BAZ1B: variants seen among roughly 807,000 people sequenced by gnomAD.
The protein encoded by BAZ1B is tyrosine-protein kinase BAZ1B.
BAZ1B carries 22 observed loss-of-function variants against 153.8 expected under a neutral mutation model. That is an observed-to-expected ratio of 0.14 (90% CI 0.10 to 0.20). BAZ1B has a LOEUF of 0.20. BAZ1B is among the 10% of genes least tolerant of loss of function. The pLI is 1.00. For synonymous variants in BAZ1B, 676 were observed against 633.4 expected, an observed-to-expected ratio of 1.07 and a Z score of -1.01; for missense variants, 1,325 against 1,799.3, an observed-to-expected ratio of 0.74 and a Z score of 4.77.
intron 9 of BAZ1B, among the ~76,000 whole-genome samples, chr7:73,467,596 CTT>C (rs1462320986): frequency 1.3e-5 from 2 of 152,172 alleles, no homozygotes; most frequent in African/African-American, 2.4e-5. Context: ...TCTTTTAACT[CTT>C]GAGCTCAAGT....
rs1187149830 is a variant in BAZ1B, at chr7:73,450,722, G to A, written c.3580+125C>T. On this transcript the variant is annotated intron_variant, in intron 14 of 19. Coordinates refer to ENST00000339594, the MANE Select transcript of BAZ1B (RefSeq NM_032408.4). The surrounding 1 kb of genome is among the most constrained non-coding windows in gnomAD (Gnocchi z 4.1). ...ACTGGCATGTTACAGACCTGCAGGA[G>A]AGTAAAATCTATACCACACTTATAT... is the stretch of plus-strand genomic sequence containing the variant. 5.4e-6 allele frequency: 6 copies of A among 1,121,458 alleles called. No homozygotes were observed. The highest frequency in any genetic ancestry group is 7.6e-6 in the Non-Finnish European group (6 of 784,824). The allele number at this position is 1,121,458 out of a possible 1,614,324, so 69.5% of individuals were successfully genotyped here.
intron 17 of BAZ1B, 149 bp downstream of exon 17, chr7:73,443,835 T>TC (rs1329088592): frequency 1.4e-5 from 16 of 1,135,670 alleles, no homozygotes; most frequent in Non-Finnish European, 2.1e-5. Context: ...GCGTACAGGC[T>TC]CACCCATCTG....
intron 7 of BAZ1B, among the ~76,000 whole-genome samples, chr7:73,474,787 A>G (rs1315971882): frequency 3.9e-5 from 6 of 152,236 alleles, no homozygotes; most frequent in African/African-American, 1.4e-4. Flanking sequence ...CCCCAAAAAA[A>G]GTAAAAGGAC....
chr7:73,507,226 C>T (rs1790380527), intron 3 of BAZ1B: 2 of 151,992 alleles, frequency 1.3e-5, no homozygotes, highest in Non-Finnish European at 2.9e-5. Context: ...TTTGTCAGCA[C>T]ATATAATGAA....
intron 3 of BAZ1B, among the ~76,000 whole-genome samples, chr7:73,501,913 C>T (rs917224695): frequency 5.4e-5 from 7 of 130,344 alleles, no homozygotes; most frequent in South Asian, 4.7e-4. Flanking sequence ...TTTTTTGAGA[C>T]GGAATCTCAC....
intron 3 of BAZ1B, among the ~76,000 whole-genome samples, chr7:73,507,984 G>A (rs1790412487): frequency 1.3e-5 from 2 of 151,818 alleles, no homozygotes; most frequent in Admixed American, 1.3e-4. Context: ...GTGAAACCCT[G>A]TCTCTACCAA....
intron 1 of BAZ1B, among the ~76,000 whole-genome samples, chr7:73,518,988 A>T (rs375058919): frequency 9.4e-5 from 14 of 148,586 alleles, no homozygotes; most frequent in African/African-American, 3.7e-4. Flanking sequence ...ATTCTGATAA[A>T]GTTAGTGTTT....
intron 1 of BAZ1B, among the ~76,000 whole-genome samples, chr7:73,517,980 A>G (rs1172262379): frequency 6.6e-6 from 1 of 152,252 alleles, no homozygotes; most frequent in Non-Finnish European, 1.5e-5. Context: ...GATGGCAAAG[A>G]GTGAGCCAAC....
chr7:73,491,154 C>T (rs187572785), intron 5 of BAZ1B, among the ~76,000 whole-genome samples: 2 of 151,876 alleles, frequency 1.3e-5, no homozygotes, highest in Admixed American at 6.6e-5. Context: ...GGCACGGTGG[C>T]GGGCACCTGT....
At chr7:73,515,474 T>C (rs1226485149) in intron 1 of BAZ1B, among the ~76,000 whole-genome samples, 1 of 151,344 alleles carries the variant, frequency 6.6e-6, no homozygotes, top group African/African-American at 2.4e-5. Context: ...TTTGTGCCAC[T>C]AGCAAACTAG....
At position 73,450,963 on chromosome 7, in the gene BAZ1B, G is replaced by T; in HGVS notation, c.3464C>A (p.Ala1155Glu). The change falls in exon 14 of 20, where the codon GCA becomes GAA. Residue 1155 changes from alanine (A) to glutamate (E), a missense_variant. This residue lies in a region of BAZ1B where 431 missense variants were observed against 563.5 expected (regional missense o/e 0.76). Transcript: ENST00000339594. This position sits in a 1 kb window ranked among gnomAD's most constrained non-coding sequence, Gnocchi z 4.1. ...GGAGAAAGTCTGAGCTTCCCGGATT[G>T]CTGTCTTCCATTTCTCCAGTGCAGA... The part of the protein sequence containing the change: ...VASALEKWKT[A>E]IREAQTFSRM... 1 of 1,614,168 alleles carries T rather than the reference G, an allele frequency of 6.2e-7. No individual in the cohort carries two copies. The highest frequency in any genetic ancestry group is 8.5e-7 in the Non-Finnish European group (1 of 1,180,046).
chr7:73,490,869 T>A (rs2116384141), intron 5 of BAZ1B, among the ~76,000 whole-genome samples: 1 of 151,498 alleles, frequency 6.6e-6, no homozygotes, highest in South Asian at 2.1e-4. Flanking sequence ...CCTCCCAAAG[T>A]GCTGGGATTA....
At chr7:73,521,234 G>A (rs1488393412) in intron 1 of BAZ1B, among the ~76,000 whole-genome samples, 1 of 151,974 alleles carries the variant, frequency 6.6e-6, no homozygotes, top group Admixed American at 6.6e-5. Context: ...CCTCTAAGCG[G>A]GGAATCTCAT....
chr7:73,482,762 G>A (rs1162044518), intron 6 of BAZ1B, among the ~76,000 whole-genome samples: 2 of 152,068 alleles, frequency 1.3e-5, no homozygotes, highest in African/African-American at 4.8e-5. Flanking sequence ...ATTTTTATTC[G>A]TAAGGTGTGT....
chr7:73,521,928 C>A lies in BAZ1B; in HGVS notation c.6G>T (p.Ala2=). 1 of 1,463,638 alleles carries A rather than the reference C, an allele frequency of 6.8e-7. No individual in the cohort carries two copies. Among genetic ancestry groups the A allele is most frequent in the Non-Finnish European group, 9.1e-7 (1 of 1,100,508 alleles). 90.7% of individuals were successfully genotyped at this position (1,463,638 alleles called of 1,614,324 possible). A position where few individuals can be genotyped will look rare whatever the true frequency, so the allele number is the denominator to read the frequency against. ...GGAAGGGCTTGCGGCCCAGGAGCGG[C>A]GCCATCGCGGCGGCGGCGGTGGGGA... M[A]PLLGRKPFPL... The change falls in exon 1 of 20, where the codon GCG becomes GCT. Residue 2 remains alanine (A), a synonymous_variant. Transcript: ENST00000339594.
intron 5 of BAZ1B, among the ~76,000 whole-genome samples, chr7:73,490,463 ATC>A (rs1554575319): frequency 6.6e-6 from 1 of 152,200 alleles, no homozygotes; most frequent in African/African-American, 2.4e-5. Flanking sequence ...TTCACCAATT[ATC>A]TCTGAGCATG....
intron 12 of BAZ1B, among the ~76,000 whole-genome samples, chr7:73,461,896 C>T (rs1342237241): frequency 6.6e-6 from 1 of 152,184 alleles, no homozygotes; most frequent in Non-Finnish European, 1.5e-5. Context: ...TTGAGATCAG[C>T]CAGGGCAACA....
chr7:73,521,415 G>A (rs188988822), intron 1 of BAZ1B, among the ~76,000 whole-genome samples: 81 of 152,264 alleles, frequency 5.3e-4, no homozygotes, highest in African/African-American at 1.9e-3. Flanking sequence ...TAAGCTGCAG[G>A]TTTCATTTAA....
chr7:73,463,248 T>C (rs1788459873), intron 11 of BAZ1B, 149 bp from the exon 12 acceptor site: 2 of 780,866 alleles, frequency 2.6e-6, no homozygotes, highest in Non-Finnish European at 3.9e-6. Context: ...TCTTTTTTTT[T>C]TTTTTTTTTC....
Sources: allele counts gnomAD v4.1 joint callset (sites outside exome capture counted in the v4.1 genomes callset), GRCh38; gene constraint gnomAD v4.1.1; regional missense constraint gnomAD v4.1.1; non-coding constraint Gnocchi (gnomAD v3.1); transcripts MANE v1.5; gene names NCBI Gene and HGNC (gene_info 2026-07-23, HGNC 2026-07-21).